The following NBPF20 variants were observed in gnomAD, a reference collection of about 807,000 sequenced individuals.
NBPF20 encodes the protein NBPF member 20, also known as NBPF family member NBPF20.
Under a neutral mutation model 68.1 loss-of-function variants are expected in NBPF20, and 90 were observed. That is an observed-to-expected ratio of 1.32 (90% CI 1.11 to 1.58). The LOEUF (loss-of-function observed/expected upper bound fraction) is 1.58. Ranked by LOEUF, NBPF20 falls within the 40% of genes most tolerant of loss-of-function variation. NBPF20 has a pLI of 0.00. For synonymous variants in NBPF20, 290 were observed against 228.1 expected, an observed-to-expected ratio of 1.27 and a Z score of -2.45; for missense variants, 816 against 601.2, an observed-to-expected ratio of 1.36 and a Z score of -3.74.
In NBPF20 at chr1:145,291,408, T is replaced by C. The variant is rs1661071994; in HGVS notation, c.*118A>G. On this transcript the variant is annotated 3_prime_UTR_variant, in exon 138 of 138. Coordinates refer to ENST00000369373, the Ensembl canonical transcript of NBPF20. ...TGGTTTGAGAATAGGAATACAGCCA[T>C]GCCCACTGACCCATCCTATGTCTGG... 6.2e-6 allele frequency: 10 copies of C among 1,600,906 alleles called. No individual in the cohort carries two copies. The South Asian group carries it at 6.8e-5, about 11-fold the overall frequency.
the NBPF20 span, among the ~76,000 whole-genome samples, chr1:145,419,129 AAGGG>A: frequency 8.4e-6 from 1 of 118,990 alleles, no homozygotes; most frequent in Non-Finnish European, 1.8e-5. Flanking sequence ...GGCAGGGAGG[AAGGG>A]AGGAAGGAAG....
intron 3 of NBPF20, among the ~76,000 whole-genome samples, 196 bp from the exon 9 acceptor site, chr1:145,402,577 C>T (rs1662573837): frequency 2.0e-5 from 3 of 151,910 alleles, no homozygotes; most frequent in Admixed American, 6.6e-5. Flanking sequence ...AGAGAGGGCT[C>T]TTGCAAGATC....
chr1:145,410,736 GTGTA>G, the NBPF20 span, among the ~76,000 whole-genome samples: 8 of 139,872 alleles, frequency 5.7e-5, no homozygotes, highest in African/African-American at 1.9e-4. Context: ...GTGCCTGTCT[GTGTA>G]TATATATATA....
intron 13 of NBPF20, among the ~76,000 whole-genome samples, chr1:145,390,345 GACACACACACAGAC>G (rs1661944728): frequency 6.7e-5 from 4 of 59,336 alleles, no homozygotes; most frequent in African/African-American, 3.5e-4. Context: ...CACACACACA[GACACACACACAGAC>G]ACACACACAC....
chr1:145,414,981 G>A, the NBPF20 span, among the ~76,000 whole-genome samples: 1 of 152,126 alleles, frequency 6.6e-6, no homozygotes, highest in Non-Finnish European at 1.5e-5. Context: ...AGAAAAATGG[G>A]CCCAGGGGAC....
chr1:145,291,818 C>A (rs782608830), intron 137 of NBPF20, 49 bp from the exon 143 acceptor site: 14 of 1,611,680 alleles, frequency 8.7e-6, no homozygotes, highest in Non-Finnish European at 1.1e-5. Context: ...AATCAGAAAC[C>A]ACAGAGCCCC....
intron 8 of NBPF20, among the ~76,000 whole-genome samples, chr1:145,394,203 T>G (rs1218473835): frequency 6.6e-6 from 1 of 151,918 alleles, no homozygotes; most frequent in Admixed American, 6.6e-5. Flanking sequence ...AATGAGAAAT[T>G]TTTTCCCCAA....
chr1:145,410,631 G>T, the NBPF20 span, among the ~76,000 whole-genome samples: 1 of 150,380 alleles, frequency 6.6e-6, no homozygotes, highest in Non-Finnish European at 1.5e-5. Flanking sequence ...CTTCTTTTCT[G>T]AAGTATCTAA....
rs1371454974 is a variant in NBPF20 at position 145,297,739 on chromosome 1, G to A, written c.15856+223C>T. 1.0e-3 allele frequency: 33 copies of A among 32,622 alleles called. 1 individual carries two copies. Among genetic ancestry groups the A allele is most frequent in the South Asian group, 5.0e-3 (22 of 4,396 alleles). The allele number at this position is 32,622 out of a possible 1,614,324, so 2.0% of individuals were successfully genotyped here. A position where few individuals can be genotyped will look rare whatever the true frequency, so the allele number is the denominator to read the frequency against. ...AATGTCATGAGGATAGGATCAGGGCGCCACAGGTACGGCCTGAGACTAGGA... is the reference window on the plus strand; with the variant it reads ...AATGTCATGAGGATAGGATCAGGGCACCACAGGTACGGCCTGAGACTAGGA... On this transcript the variant is annotated intron_variant, in intron 130 of 137. Coordinates refer to ENST00000369373, the Ensembl canonical transcript of NBPF20.
At chr1:145,393,725 A>T (rs1354366270) in intron 9 of NBPF20, 159 bp downstream of exon 14, 30 of 1,503,842 alleles carry the variant, frequency 2.0e-5, no homozygotes, top group Non-Finnish European at 2.5e-5. Context: ...TGGAAACCTA[A>T]ACATGTACTC....
rs1398543235 is a variant in NBPF20 at position 145,394,296 on chromosome 1, G to C, written c.992-361C>G. ...TTCTCTCATCAAATACCCAGAATTT[G>C]ATAGTTTATGAGATTGTGGACACAG... On this transcript the variant is annotated intron_variant, in intron 8 of 137. Transcript: ENST00000369373. Among the ~76,000 whole-genome samples the C allele has an allele frequency of 3.3e-5, 5 of 151,646 alleles. 1 individual carries two copies. Among genetic ancestry groups the C allele is most frequent in the Admixed American group, 6.5e-5 (1 of 15,274 alleles).
chr1:145,400,207 A>C (rs1662452712), intron 6 of NBPF20, among the ~76,000 whole-genome samples, 182 bp downstream of exon 11: 1 of 152,174 alleles, frequency 6.6e-6, no homozygotes, highest in Non-Finnish European at 1.5e-5. Flanking sequence ...GTAACTTGAT[A>C]CTGGGGACTG....
In NBPF20 at chr1:145,403,134, C is replaced by T. The variant is rs1662605770; in HGVS notation, c.278+82G>A. 5 of 1,535,276 alleles carry T rather than the reference C, an allele frequency of 3.3e-6. No homozygotes were observed. The Admixed American group carries it at 5.0e-5, about 15-fold the overall frequency. On this transcript the variant is annotated intron_variant, in intron 3 of 137. Transcript: ENST00000369373. ...CTGCCCTTCCCCTGGCCCAGCTTAGCTCTTACGTCTCCCCACCGAGCTGCT... is the reference window on the plus strand; with the variant it reads ...CTGCCCTTCCCCTGGCCCAGCTTAGTTCTTACGTCTCCCCACCGAGCTGCT...
the NBPF20 span, among the ~76,000 whole-genome samples, chr1:145,417,649 G>C: frequency 3.3e-5 from 4 of 120,074 alleles, no homozygotes; most frequent in East Asian, 4.7e-4. Context: ...AAAGGTGAAA[G>C]ATCTCAACAC....
intron 137 of NBPF20, 97 bp from the exon 143 acceptor site, chr1:145,291,866 A>C: frequency 6.2e-7 from 1 of 1,605,096 alleles, no homozygotes; most frequent in Non-Finnish European, 8.5e-7. Flanking sequence ...GTGGTTAGAA[A>C]AGAAAAAGGA....
upstream of NBPF20, among the ~76,000 whole-genome samples, chr1:145,410,554 C>T (rs1290774904): frequency 6.0e-5 from 9 of 150,642 alleles, no homozygotes; most frequent in African/African-American, 2.2e-4. Flanking sequence ...ACCTCGTGAT[C>T]CGCCCGCCTC....
the NBPF20 span, among the ~76,000 whole-genome samples, chr1:145,410,899 A>G: frequency 1.3e-4 from 17 of 130,846 alleles, no homozygotes; most frequent in East Asian, 8.2e-4. Context: ...ACACACACAC[A>G]CACGTTTGTG....
the NBPF20 span, among the ~76,000 whole-genome samples, chr1:145,424,408 T>G: frequency 6.6e-6 from 1 of 152,200 alleles, no homozygotes; most frequent in Non-Finnish European, 1.5e-5. Context: ...GGTTCACTGG[T>G]GAAATTTTAC....
chr1:145,422,739 C>A, the NBPF20 span, among the ~76,000 whole-genome samples: 8 of 151,722 alleles, frequency 5.3e-5, no homozygotes, highest in South Asian at 2.1e-4. Flanking sequence ...CTGTAATCCC[C>A]ACACTCTGGG....
Sources: allele counts gnomAD v4.1 joint callset (sites outside exome capture counted in the v4.1 genomes callset), GRCh38; gene constraint gnomAD v4.1.1; transcripts MANE v1.5; gene names NCBI Gene and HGNC (gene_info 2026-07-23, HGNC 2026-07-21).